The following ZNF91 variants were observed in gnomAD, a reference collection of about 807,000 sequenced individuals.
ZNF91 encodes zinc finger protein 91 (HPF7, HTF10).
ZNF91 carries 7 observed loss-of-function variants against 12.6 expected under a neutral mutation model. That is an observed-to-expected ratio of 0.55 (90% CI 0.31 to 1.04). The LOEUF is 1.04. ZNF91 is among the 50% of genes least tolerant of loss of function. The probability of loss-of-function intolerance (pLI) is 0.05; values close to 1 mark genes in which losing one functional copy is unlikely to be tolerated. For missense variants in ZNF91, 1,217 were observed against 1,385.4 expected (o/e 0.88, Z 1.93); for synonymous variants, 453 against 462.6 (o/e 0.98, Z 0.27).
chr19:23,384,281 C>G (rs775672896), intron 1 of ZNF91, among the ~76,000 whole-genome samples: 2 of 152,054 alleles, frequency 1.3e-5, no homozygotes, highest in Non-Finnish European at 2.9e-5. Flanking sequence ...CCCTCCGCGC[C>G]CAACCAATCC....
intron 1 of ZNF91, among the ~76,000 whole-genome samples, chr19:23,376,555 A>C (rs1371553145): frequency 6.6e-6 from 1 of 151,834 alleles, no homozygotes. Context: ...ACACCCAGCT[A>C]ATTTTGTATT....
intron 3 of ZNF91, among the ~76,000 whole-genome samples, chr19:23,349,709 G>C (rs1045397776): frequency 1.3e-5 from 2 of 148,772 alleles, no homozygotes; most frequent in Non-Finnish European, 2.9e-5. Flanking sequence ...TGCAGTGAGA[G>C]TCCAAGGACT....
chr19:23,318,884 G>T (rs201762727), intron 1 of ZNF91, among the ~76,000 whole-genome samples: 5 of 152,106 alleles, frequency 3.3e-5, no homozygotes, highest in Non-Finnish European at 7.4e-5. Flanking sequence ...CAGTAGGGAT[G>T]GTGACATATT....
chr19:23,347,115 C>CA (rs199966139), intron 3 of ZNF91, among the ~76,000 whole-genome samples: 6 of 151,972 alleles, frequency 3.9e-5, no homozygotes, highest in Admixed American at 6.6e-5. Context: ...ATAGTGTCAC[C>CA]CCCCCTACAC....
At chr19:23,376,887 T>C (rs1037327598) in intron 1 of ZNF91, among the ~76,000 whole-genome samples, 47 of 152,192 alleles carry the variant, frequency 3.1e-4, no homozygotes, top group African/African-American at 1.1e-3. Context: ...CTTTCTCAGA[T>C]GAGTTTTTCT....
chr19:23,325,540 C>CA (rs1967820172), intron 1 of ZNF91: 1 of 152,190 alleles, frequency 6.6e-6, no homozygotes, highest in African/African-American at 2.4e-5. Flanking sequence ...GATCACACTA[C>CA]AAGTCGCTCA....
At chr19:23,378,162 T>C (rs1350585649) in intron 1 of ZNF91, among the ~76,000 whole-genome samples, 5 of 152,186 alleles carry the variant, frequency 3.3e-5, no homozygotes, top group African/African-American at 1.2e-4. Flanking sequence ...TAATATAAAA[T>C]TATTAAATTA....
At chr19:23,327,516 T>C (rs1334045521) in intron 1 of ZNF91, 2 of 152,188 alleles carry the variant, frequency 1.3e-5, no homozygotes, top group Admixed American at 6.5e-5. Context: ...AGTATCTTTA[T>C]ACAAGATGAA....
chr19:23,385,082 G>T (rs1472871993), intron 1 of ZNF91: 2 of 961,776 alleles, frequency 2.1e-6, no homozygotes, highest in Non-Finnish European at 3.4e-6. Context: ...AGACAGGGCA[G>T]GGACAGCCAC....
intron 1 of ZNF91, chr19:23,384,954 G>A (rs1969827826): frequency 2.2e-6 from 2 of 895,310 alleles, no homozygotes; most frequent in South Asian, 1.3e-5. Flanking sequence ...AGTTGCCAAG[G>A]CTTAGCTGCG....
chr19:23,309,672 ACT>A (rs1236014619), intron 1 of ZNF91, among the ~76,000 whole-genome samples: 2 of 152,094 alleles, frequency 1.3e-5, no homozygotes, highest in Non-Finnish European at 2.9e-5. Flanking sequence ...TGCAATAATG[ACT>A]CTAATATTTT....
chr19:23,325,780 CTTGAG>C (rs575535297), intron 1 of ZNF91: 252 of 152,396 alleles, frequency 1.7e-3, no homozygotes, highest in Admixed American at 2.8e-3. Flanking sequence ...ATAAGTACCT[CTTGAG>C]TTAATTTTCT....
intron 3 of ZNF91, among the ~76,000 whole-genome samples, chr19:23,344,505 T>A (rs868606328): frequency 1.3e-5 from 2 of 152,214 alleles, no homozygotes; most frequent in South Asian, 4.1e-4. Context: ...TTAAATACTG[T>A]CTCTTTAGCA....
rs777240211 is a variant in ZNF91 at position 23,361,762 on chromosome 19, T to C, written c.1217A>G (p.Tyr406Cys). The change falls in exon 4 of 4, where the codon TAC becomes TGC. Residue 406 changes from tyrosine (Y) to cysteine (C), a missense_variant. This residue lies in a region of ZNF91 where 726 missense variants were observed against 895.5 expected (regional missense o/e 0.81). Transcript: ENST00000300619. ...HKIIHAGEKL[Y>C]KCEECGKAFN... Reference sequence around the variant, plus strand: ...AGCTTTGCCACATTCTTCACATTTGTAGAGTTTCTCTCCAGCATGTATTAT... The same window carrying C: ...AGCTTTGCCACATTCTTCACATTTGCAGAGTTTCTCTCCAGCATGTATTAT... 34 of 1,611,204 alleles carry C rather than the reference T, an allele frequency of 2.1e-5. No homozygotes were observed. The highest frequency in any genetic ancestry group is 2.8e-5 in the Non-Finnish European group (33 of 1,178,188).
Position 23,340,611 on chromosome 19 carries a change from T to C in ZNF91, c.254-1557A>G, listed in dbSNP as rs295397. Among the ~76,000 whole-genome samples, 1,849 of 152,060 alleles carry C rather than the reference T, an allele frequency of 0.012. 154 individuals carry two copies. The East Asian group carries it at 0.24, about 20-fold the overall frequency. On this transcript the variant is annotated intron_variant, in intron 3 of 3. Coordinates refer to the ZNF91 transcript ENST00000599743. ...ATTCTACCAAGTGTACAAACAATAATAATCCTCCTGAAACTCTTACCAAAA... is the reference window on the plus strand; with the variant it reads ...ATTCTACCAAGTGTACAAACAATAACAATCCTCCTGAAACTCTTACCAAAA...
chr19:23,315,842 A>G (rs535969646), intron 1 of ZNF91, among the ~76,000 whole-genome samples: 1 of 152,200 alleles, frequency 6.6e-6, no homozygotes, highest in East Asian at 1.9e-4. Flanking sequence ...ATTGTAGGAA[A>G]TTTTTGTACC....
Position 23,361,187 on chromosome 19 carries a change from C to T in ZNF91, c.1792G>A (p.Gly598Arg), listed in dbSNP as rs763926277. Residue 598 changes from glycine to arginine, a missense_variant, in exon 4 of 4, where the codon GGA becomes AGA. Gly to Arg is a moderately radical substitution (Grantham distance 125). Transcript: ENST00000300619. ...TCTTCACACTTGTAAGACTTCTCTCCAGTATGAATTATCTTATGTGTAGAA... is the reference window on the plus strand; with the variant it reads ...TCTTCACACTTGTAAGACTTCTCTCTAGTATGAATTATCTTATGTGTAGAA... ...SLSTHKIIHTGEKSYKCEECG... is the reference protein window; with the variant it reads ...SLSTHKIIHTREKSYKCEECG... 1.9e-6 allele frequency: 3 copies of T among 1,612,720 alleles called. No individual in the cohort carries two copies. The highest frequency in any genetic ancestry group is 1.7e-5 in the Admixed American group (1 of 59,914).
chr19:23,305,067 G>A (rs1828999038), exon 4 of ZNF91: 2 of 152,106 alleles, frequency 1.3e-5, no homozygotes, highest in Non-Finnish European at 2.9e-5. Context: ...AATTGGTTTG[G>A]TTGACTGAAG....
intron 1 of ZNF91, among the ~76,000 whole-genome samples, chr19:23,316,587 G>A (rs1173929812): frequency 6.6e-6 from 1 of 152,144 alleles, no homozygotes; most frequent in Non-Finnish European, 1.5e-5. Flanking sequence ...CCAGAATACA[G>A]GTGATGTGAC....
Sources: gnomAD v4.1 joint callset for allele counts (sites outside exome capture counted in the v4.1 genomes callset) on GRCh38, gnomAD v4.1.1 for gene constraint, gnomAD v4.1.1 regional missense constraint, MANE v1.5 for transcripts, NCBI Gene and HGNC (gene_info 2026-07-23, HGNC 2026-07-21) for gene names.